Variants in KCNIP4 observed in about 807,000 individuals in gnomAD.
KCNIP4 encodes potassium voltage-gated channel interacting protein 4.
A neutral mutation model predicts 34.0 loss-of-function variants in KCNIP4; 12 were observed. The ratio of observed to expected loss-of-function variants is 0.35; its 90% CI spans 0.23 to 0.57. The LOEUF (loss-of-function observed/expected upper bound fraction) is 0.57, where lower values mean the gene tolerates loss of function less well. Among genes scored for constraint, KCNIP4 ranks in the 20% least tolerant of loss-of-function variants. The pLI, the probability that KCNIP4 is intolerant of heterozygous loss-of-function variation, is 0.83. For synonymous variants in KCNIP4, 124 were observed against 102.2 expected, an observed-to-expected ratio of 1.21 and a Z score of -1.29; for missense variants, 238 against 311.7, an observed-to-expected ratio of 0.76 and a Z score of 1.78.
At chr4:21,319,442 C>A (rs186015089) in intron 1 of KCNIP4, among the ~76,000 whole-genome samples, 1 of 152,296 alleles carries the variant, frequency 6.6e-6, no homozygotes. Context: ...CTAGTACCTG[C>A]CTCTCAATTA....
chr4:21,938,837 A>G (rs1003091391), intron 1 of KCNIP4, among the ~76,000 whole-genome samples: 2 of 152,174 alleles, frequency 1.3e-5, no homozygotes, highest in African/African-American at 4.8e-5. Flanking sequence ...TATGATTTAA[A>G]TGTTTAATTC....
At chr4:20,979,089 C>T (rs910308574) in intron 1 of KCNIP4, among the ~76,000 whole-genome samples, 4 of 152,098 alleles carry the variant, frequency 2.6e-5, no homozygotes, top group Admixed American at 6.5e-5. Flanking sequence ...ATTAATCTAT[C>T]CAAAGTTTTA....
intron 1 of KCNIP4, among the ~76,000 whole-genome samples, chr4:21,779,555 T>C (rs932731791): frequency 1.3e-5 from 2 of 152,190 alleles, no homozygotes; most frequent in Non-Finnish European, 2.9e-5. Context: ...ATACACTTTT[T>C]ATTTGTCAAT....
chr4:20,745,502 G>A (rs1413601773), intron 5 of KCNIP4, among the ~76,000 whole-genome samples: 1 of 152,182 alleles, frequency 6.6e-6, no homozygotes, highest in African/African-American at 2.4e-5. Flanking sequence ...TGTAATTGAA[G>A]TCTCAAGTAG....
intron 1 of KCNIP4, among the ~76,000 whole-genome samples, chr4:21,338,531 T>C (rs1434211825): frequency 1.3e-5 from 2 of 151,258 alleles, no homozygotes; most frequent in African/African-American, 4.9e-5. Flanking sequence ...GGCTTGAACT[T>C]GGGAACCAAA....
At chr4:20,980,809 TAA>T (rs547579828) in intron 1 of KCNIP4, among the ~76,000 whole-genome samples, 3,169 of 131,000 alleles carry the variant, frequency 0.024, 102 homozygotes, top group African/African-American at 0.076. Flanking sequence ...TTCTCCACCA[TAA>T]AAAAAAAAAA....
intron 2 of KCNIP4, among the ~76,000 whole-genome samples, chr4:20,864,635 A>G (rs2149500650): frequency 6.6e-6 from 1 of 152,184 alleles, no homozygotes; most frequent in East Asian, 1.9e-4. Context: ...CCACTTATCT[A>G]GAATTCATGC....
intron 1 of KCNIP4, among the ~76,000 whole-genome samples, chr4:21,425,106 T>C (rs973516032): frequency 1.3e-5 from 2 of 152,036 alleles, no homozygotes; most frequent in African/African-American, 2.4e-5. Flanking sequence ...AGGAAAGAAA[T>C]AGAATGATCC....
chr4:21,901,137 T>C (rs181218612), intron 1 of KCNIP4, among the ~76,000 whole-genome samples: 44 of 152,326 alleles, frequency 2.9e-4, no homozygotes, highest in African/African-American at 1.0e-3. Flanking sequence ...CTGCTTATGA[T>C]AAAATGTTAT....
intron 1 of KCNIP4, among the ~76,000 whole-genome samples, chr4:21,719,674 C>G (rs1013535125): frequency 6.6e-6 from 1 of 151,860 alleles, no homozygotes; most frequent in African/African-American, 2.4e-5. Context: ...AAAGAAGAAA[C>G]AATAGGGGCC....
Position 20,810,457 on chromosome 4 carries a change from G to A in KCNIP4, c.288+40086C>T, listed in dbSNP as rs1715595644. Among the ~76,000 whole-genome samples, 3 of 117,344 alleles carry A rather than the reference G, an allele frequency of 2.6e-5. 1 individual carries two copies. The highest frequency in any genetic ancestry group is 6.5e-4 in the South Asian group (2 of 3,054). 77.0% of individuals were successfully genotyped at this position (117,344 alleles called of 152,430 possible). A position where few individuals can be genotyped will look rare whatever the true frequency, so the allele number is the denominator to read the frequency against. On this transcript the variant is annotated intron_variant, in intron 3 of 8. Transcript: ENST00000382152. ...TGGAAGAGTACAGGGCAGGGGGGAGGAAGGGGGGAGAGAGAGAGAGAGACA... is the reference window on the plus strand; with the variant it reads ...TGGAAGAGTACAGGGCAGGGGGGAGAAAGGGGGGAGAGAGAGAGAGAGACA...
intron 1 of KCNIP4, among the ~76,000 whole-genome samples, chr4:21,480,923 C>G (rs1385848620): frequency 1.3e-5 from 2 of 152,104 alleles, no homozygotes; most frequent in African/African-American, 4.8e-5. Context: ...TTGCACACAG[C>G]ATGGCCACTT....
At chr4:21,198,041 G>A (rs1756184765) in intron 1 of KCNIP4, among the ~76,000 whole-genome samples, 1 of 152,172 alleles carries the variant, frequency 6.6e-6, no homozygotes, top group South Asian at 2.1e-4. Context: ...ATGGGCTTCT[G>A]TAGAGACCAC....
At position 20,850,601 on chromosome 4, in the gene KCNIP4, T is replaced by A. The variant is rs749716131; in HGVS notation, c.230A>T (p.Glu77Val). ...TTTCTTGGTAAATTTGCTCTGGGCT[T>A]CCAGAAGCTCAAGGGCTTCAGGCCG... ...RHRPEALELL[E>V]AQSKFTKKEL... Residue 77 changes from glutamate (E) to valine (V), a missense_variant, in exon 3 of 9, where the codon GAA becomes GTA. By Grantham distance (121) the Glu-to-Val change is moderately radical (BLOSUM62 -2). Transcript: ENST00000382152. The A allele has an allele frequency of 5.0e-6, 8 of 1,612,848 alleles. No homozygotes were observed. The highest frequency in any genetic ancestry group is 6.8e-6 in the Non-Finnish European group (8 of 1,179,674).
intron 1 of KCNIP4, among the ~76,000 whole-genome samples, chr4:21,062,263 A>T (rs1335902828): frequency 6.6e-6 from 1 of 152,186 alleles, no homozygotes; most frequent in African/African-American, 2.4e-5. Flanking sequence ...TCCATTATAC[A>T]GTGGCTCCTT....
At chr4:21,290,981 G>A (rs949371431) in intron 1 of KCNIP4, among the ~76,000 whole-genome samples, 1 of 152,176 alleles carries the variant, frequency 6.6e-6, no homozygotes, top group African/African-American at 2.4e-5. Context: ...GGATTTTATA[G>A]AAGAAGTAGA....
chr4:21,236,293 A>G (rs1759354005), intron 1 of KCNIP4, among the ~76,000 whole-genome samples: 1 of 152,220 alleles, frequency 6.6e-6, no homozygotes, highest in Non-Finnish European at 1.5e-5. Context: ...TGGCAATGTG[A>G]ATTTCACATA....
intron 1 of KCNIP4, among the ~76,000 whole-genome samples, chr4:20,996,947 T>C (rs1482707667): frequency 1.3e-5 from 2 of 152,148 alleles, no homozygotes. Context: ...TAAGACAGGG[T>C]TCTTTCCTCA....
chr4:21,872,143 G>A (rs1241418431), intron 1 of KCNIP4, among the ~76,000 whole-genome samples: 1 of 152,054 alleles, frequency 6.6e-6, no homozygotes, highest in Non-Finnish European at 1.5e-5. Context: ...CCTCAGAGAA[G>A]GGGAGAGCCA....
Sources: gnomAD v4.1 joint callset for allele counts (sites outside exome capture counted in the v4.1 genomes callset) on GRCh38, gnomAD v4.1.1 for gene constraint, MANE v1.5 for transcripts, NCBI Gene and HGNC (gene_info 2026-07-23, HGNC 2026-07-21) for gene names.